The following TMEM132C variants were observed in gnomAD, a reference collection of about 807,000 sequenced individuals.
The protein encoded by TMEM132C is transmembrane protein 132C, also known as protein phosphatase 1, regulatory subunit 152.
A neutral mutation model predicts 61.4 loss-of-function variants in TMEM132C; 29 were observed. That is an observed-to-expected ratio of 0.47 (90% CI 0.35 to 0.64). The LOEUF (loss-of-function observed/expected upper bound fraction) is 0.64. Among genes scored for constraint, TMEM132C ranks in the 30% least tolerant of loss-of-function variants. The pLI is 0.00. For missense variants in TMEM132C, 1,408 were observed against 1,476.9 expected, an observed-to-expected ratio of 0.95 and a Z score of 0.76; for synonymous variants, 656 against 633.1, an observed-to-expected ratio of 1.04 and a Z score of -0.54.
At chr12:128,639,414 GATA>G (rs1041990398) in intron 4 of TMEM132C, among the ~76,000 whole-genome samples, 10 of 151,940 alleles carry the variant, frequency 6.6e-5, no homozygotes, top group African/African-American at 1.2e-4. Context: ...TGATGATGAT[GATA>G]ATAATGATGG....
chr12:128,589,221 A>G (rs1173570402), intron 3 of TMEM132C, among the ~76,000 whole-genome samples: 1 of 152,102 alleles, frequency 6.6e-6, no homozygotes, highest in Non-Finnish European at 1.5e-5. Flanking sequence ...CGCACAAGGA[A>G]CAAGCGTTAG....
In TMEM132C at chr12:128,536,911, G is replaced by T. The variant is rs1405668137; in HGVS notation, c.975-7046G>T. Among the ~76,000 whole-genome samples, 6 of 152,314 alleles carry T rather than the reference G, an allele frequency of 3.9e-5. No homozygotes were observed. The East Asian group carries it at 1.2e-3, about 29-fold the overall frequency. The stretch of plus-strand genomic sequence containing the variant: ...GCCTGCCAGGTGGCCATTCTGACAG[G>T]CTGGGAAGTGTAGCCTCCAGCCAGA... On this transcript the variant is annotated intron_variant, in intron 2 of 8. Coordinates refer to ENST00000435159, the MANE Select transcript of TMEM132C (RefSeq NM_001136103.3).
intron 2 of TMEM132C, among the ~76,000 whole-genome samples, chr12:128,480,070 C>T (rs748851076): frequency 7.9e-5 from 12 of 151,998 alleles, no homozygotes; most frequent in Non-Finnish European, 1.6e-4. Flanking sequence ...CCAGCCTGGG[C>T]GATGTAGTGG....
intron 1 of TMEM132C, among the ~76,000 whole-genome samples, chr12:128,315,533 A>G (rs938411033): frequency 4.7e-5 from 7 of 149,876 alleles, no homozygotes; most frequent in South Asian, 2.1e-4. Context: ...AACTTTTTGG[A>G]AAAAAAAAAC....
intron 4 of TMEM132C, among the ~76,000 whole-genome samples, chr12:128,623,487 A>G (rs895172148): frequency 7.3e-5 from 11 of 151,380 alleles, no homozygotes; most frequent in African/African-American, 2.2e-4. Context: ...AAGTAAAGCT[A>G]TGTTCTAATT....
At chr12:128,371,244 A>T (rs771165455) in intron 1 of TMEM132C, among the ~76,000 whole-genome samples, 3 of 152,138 alleles carry the variant, frequency 2.0e-5, no homozygotes, top group East Asian at 3.9e-4. Context: ...CCTTTTTCTC[A>T]TAGCAGCACA....
rs546985609 is a variant in TMEM132C, at chr12:128,541,201, C to T, written c.975-2756C>T. 2.3e-4 allele frequency among the ~76,000 whole-genome samples: 35 copies of T among 152,256 alleles called. 1 individual carries two copies. Among genetic ancestry groups the T allele is most frequent in the African/African-American group, 8.4e-4 (35 of 41,548 alleles). ...GTTATGAAGGATACAGATGAGGAAA[C>T]ATGTAGGACAGGGTATAGGGGAAGG... On this transcript the variant is annotated intron_variant, in intron 2 of 8. Transcript: ENST00000435159.
intron 2 of TMEM132C, among the ~76,000 whole-genome samples, chr12:128,431,206 A>C (rs1593050845): frequency 6.6e-6 from 1 of 152,222 alleles, no homozygotes; most frequent in African/African-American, 2.4e-5. Context: ...AGGGGTCTGG[A>C]TGGAAAATCA....
At chr12:128,669,186 A>G (rs536099275) in intron 4 of TMEM132C, among the ~76,000 whole-genome samples, 42 of 152,360 alleles carry the variant, frequency 2.8e-4, no homozygotes, top group Admixed American at 8.5e-4. Flanking sequence ...GTTGAAAACT[A>G]GAAATATGAT....
chr12:128,479,610 A>G (rs919993288), intron 2 of TMEM132C, among the ~76,000 whole-genome samples: 1 of 152,114 alleles, frequency 6.6e-6, no homozygotes, highest in Admixed American at 6.5e-5. Flanking sequence ...CTGCCTTCAC[A>G]CTCCAGTGGC....
chr12:128,342,441 C>G (rs1873006376), intron 1 of TMEM132C, among the ~76,000 whole-genome samples: 1 of 152,216 alleles, frequency 6.6e-6, no homozygotes. Context: ...GTCCAGTTAT[C>G]TTGATTACAT....
At chr12:128,426,627 C>G (rs1275592824) in intron 2 of TMEM132C, among the ~76,000 whole-genome samples, 3 of 152,126 alleles carry the variant, frequency 2.0e-5, no homozygotes. Context: ...TCTTCTGGAA[C>G]AGAGAAAAGG....
intron 1 of TMEM132C, among the ~76,000 whole-genome samples, chr12:128,295,811 C>A (rs1871396277): frequency 6.6e-6 from 1 of 151,754 alleles, no homozygotes; most frequent in African/African-American, 2.4e-5. Context: ...CTATTTCCTT[C>A]TTGATCCTTG....
intron 2 of TMEM132C, among the ~76,000 whole-genome samples, chr12:128,474,568 A>G (rs1240406774): frequency 6.6e-6 from 1 of 152,194 alleles, no homozygotes; most frequent in East Asian, 1.9e-4. Context: ...ACACATTTCC[A>G]TAAGTAAGAT....
chr12:128,397,236 G>T (rs2136005836), intron 1 of TMEM132C, among the ~76,000 whole-genome samples: 1 of 152,310 alleles, frequency 6.6e-6, no homozygotes, highest in Admixed American at 6.5e-5. Flanking sequence ...CTCCACCTGT[G>T]CCCAGGGGCC....
Position 128,622,388 on chromosome 12 carries a change from T to A in TMEM132C, c.1305+6053T>A, listed in dbSNP as rs1247151799. On this transcript the variant is annotated intron_variant, in intron 4 of 8. Coordinates refer to ENST00000435159, the MANE Select transcript of TMEM132C (RefSeq NM_001136103.3). ...ATATATATATATATATATATATATA[T>A]ATATATATATATAACCAGGAAACAT... Among the ~76,000 whole-genome samples, 357 of 110,020 alleles carry A rather than the reference T, an allele frequency of 3.2e-3. 9 individuals carry two copies. Among genetic ancestry groups the A allele is most frequent in the Non-Finnish European group, 5.3e-3 (299 of 56,302 alleles). The allele number at this position is 110,020 out of a possible 152,430, so 72.2% of individuals were successfully genotyped here. A position where few individuals can be genotyped will look rare whatever the true frequency, so the allele number is the denominator to read the frequency against.
At chr12:128,537,762 A>G (rs928139138) in intron 2 of TMEM132C, among the ~76,000 whole-genome samples, 4 of 152,340 alleles carry the variant, frequency 2.6e-5, no homozygotes, top group African/African-American at 9.6e-5. Flanking sequence ...TCATAGAACT[A>G]TACACCAAAA....
At chr12:128,354,856 C>T (rs1873450132) in intron 1 of TMEM132C, among the ~76,000 whole-genome samples, 1 of 152,164 alleles carries the variant, frequency 6.6e-6, no homozygotes, top group Admixed American at 6.5e-5. Flanking sequence ...ACCATCACCC[C>T]CTGTTCCACA....
intron 3 of TMEM132C, among the ~76,000 whole-genome samples, chr12:128,559,116 AAC>A (rs913365684): frequency 2.0e-5 from 3 of 148,340 alleles, no homozygotes; most frequent in African/African-American, 7.5e-5. Flanking sequence ...CACACACACA[AAC>A]ACACACACAG....
Sources: gnomAD v4.1 joint callset for allele counts (sites outside exome capture counted in the v4.1 genomes callset) on GRCh38, gnomAD v4.1.1 for gene constraint, MANE v1.5 for transcripts, NCBI Gene and HGNC (gene_info 2026-07-23, HGNC 2026-07-21) for gene names.